CREBBP: variants seen among roughly 807,000 people sequenced by gnomAD.
The protein encoded by CREBBP is CREB binding lysine acetyltransferase, also known as CREB-binding protein.
CREBBP carries 19 observed loss-of-function variants against 265.0 expected under a neutral mutation model. That is an observed-to-expected ratio of 0.07 (90% CI 0.05 to 0.11). CREBBP has a LOEUF of 0.11. Ranked by LOEUF, CREBBP falls within the 10% of genes least tolerant of loss-of-function variation. The pLI, the probability that CREBBP is intolerant of heterozygous loss-of-function variation, is 1.00. For synonymous variants in CREBBP, 1,457 were observed against 1,223.7 expected (o/e 1.19, Z -3.98); for missense variants, 2,525 against 3,219.0 (o/e 0.78, Z 5.22).
chr16:3,831,675 A>G (rs546085247), intron 2 of CREBBP, among the ~76,000 whole-genome samples: 5 of 152,210 alleles, frequency 3.3e-5, no homozygotes, highest in Non-Finnish European at 5.9e-5. Context: ...CACACCAGAC[A>G]TTATTATAAA....
intron 2 of CREBBP, among the ~76,000 whole-genome samples, chr16:3,826,951 C>T (rs2054248358): frequency 6.6e-6 from 1 of 152,094 alleles, no homozygotes; most frequent in African/African-American, 2.4e-5. Flanking sequence ...AGATAAAGAA[C>T]CCTGTTGTAC....
At chr16:3,772,928 A>G (rs2053049395) in intron 13 of CREBBP, among the ~76,000 whole-genome samples, 1 of 149,518 alleles carries the variant, frequency 6.7e-6, no homozygotes, top group South Asian at 2.1e-4. Flanking sequence ...AAAAAAAAAA[A>G]AAAAAAAAAA....
intron 3 of CREBBP, among the ~76,000 whole-genome samples, chr16:3,803,260 CGGGGAGGGG>C (rs1344666246): frequency 0.02 from 169 of 8,454 alleles, 51 homozygotes; most frequent in Admixed American, 0.05. Flanking sequence ...AGGCTGACGG[CGGGGAGGGG>C]GGGGGGGGGG....
intron 5 of CREBBP, 50 bp from the exon 6 acceptor site, chr16:3,782,976 G>C (rs570171211): frequency 1.2e-6 from 2 of 1,612,672 alleles, no homozygotes; most frequent in East Asian, 4.5e-5. Context: ...AAGTAAAAGG[G>C]AGAAGCCCAC....
In CREBBP at chr16:3,727,792, C is replaced by T. The variant is rs368297611; in HGVS notation, c.7255G>A (p.Ala2419Thr). 2.5e-6 allele frequency: 4 copies of T among 1,614,078 alleles called. No individual in the cohort carries two copies. The African/African-American group carries it at 4.0e-5, about 16-fold the overall frequency. The change falls in exon 31 of 31, where the codon GCG becomes ACG. Residue 2419 changes from alanine to threonine, a missense_variant. Transcript: ENST00000262367. The stretch of plus-strand genomic sequence containing the variant: ...ACCAGGGACAGTTCGCTGGACAGCG[C>T]ACTCCTGCTGGGGGTGTTCAGCTGG... ...LPQLNTPSRS[A>T]LSSELSLVGD...
chr16:3,731,653 T>G lies in CREBBP; in HGVS notation c.4890+123A>C. 7 of 1,478,132 alleles carry G rather than the reference T, an allele frequency of 4.7e-6. No individual in the cohort carries two copies. The highest frequency in any genetic ancestry group is 5.6e-6 in the Non-Finnish European group (6 of 1,062,270). 91.6% of individuals were successfully genotyped at this position (1,478,132 alleles called of 1,614,324 possible). On this transcript the variant is annotated intron_variant, in intron 29 of 30. Transcript: ENST00000262367. This position sits in a 1 kb window ranked among gnomAD's most constrained non-coding sequence, Gnocchi z 7.7. ...GCATGATGTCACCCAACTGGTCCACTTGGTTTCCTGGGGGCCACTTCCCTC... is the reference window on the plus strand; with the variant it reads ...GCATGATGTCACCCAACTGGTCCACGTGGTTTCCTGGGGGCCACTTCCCTC...
In CREBBP at chr16:3,728,497, T is replaced by A. The variant is rs398124149; in HGVS notation, c.6550A>T (p.Ser2184Cys). The A allele has an allele frequency of 6.2e-7, 1 of 1,614,018 alleles. No individual in the cohort carries two copies. The highest frequency in any genetic ancestry group is 1.1e-5 in the South Asian group (1 of 91,084). The change falls in exon 31 of 31, where the codon AGT becomes TGT. Residue 2184 changes from serine to cysteine, a missense_variant. By Grantham distance (112) the Ser-to-Cys change is moderately radical (BLOSUM62 -1). Around this residue, in one of 19 missense-constraint regions of CREBBP, gnomAD observed 473 missense variants for 459.3 expected, o/e 1.03. Coordinates refer to ENST00000262367, the MANE Select transcript of CREBBP (RefSeq NM_004380.3). This position sits in a 1 kb window ranked among gnomAD's most constrained non-coding sequence, Gnocchi z 8.7. ...MNPGHNPNMA[S>C]MNPQYREMLR... ...ATTTCTCGGTACTGTGGATTCATAC[T>A]CGCCATGTTGGGGTTGTGTCCTGGG...
chr16:3,865,623 T>G (rs925628662), intron 1 of CREBBP, among the ~76,000 whole-genome samples: 1 of 152,108 alleles, frequency 6.6e-6, no homozygotes, highest in Non-Finnish European at 1.5e-5. Flanking sequence ...ACTACTAGTT[T>G]AAGTAATTAA....
intron 20 of CREBBP, among the ~76,000 whole-genome samples, chr16:3,750,725 A>G (rs1300583367): frequency 6.6e-6 from 1 of 152,236 alleles, no homozygotes; most frequent in Non-Finnish European, 1.5e-5. Flanking sequence ...CAACAGGTAA[A>G]GCACTAGTGA....
intron 5 of CREBBP, among the ~76,000 whole-genome samples, chr16:3,786,551 G>A (rs2053391880): frequency 6.6e-6 from 1 of 152,204 alleles, no homozygotes; most frequent in African/African-American, 2.4e-5. Flanking sequence ...GGTAGGGGGA[G>A]ACAGACCATG....
At chr16:3,862,235 G>A (rs111881761) in intron 1 of CREBBP, among the ~76,000 whole-genome samples, 1 of 152,204 alleles carries the variant, frequency 6.6e-6, no homozygotes, top group East Asian at 1.9e-4. Flanking sequence ...CAGAAGTTTA[G>A]AGGAAAAGGA....
chr16:3,754,567 G>GT (rs2151377953), intron 19 of CREBBP, among the ~76,000 whole-genome samples: 1 of 152,256 alleles, frequency 6.6e-6, no homozygotes, highest in African/African-American at 2.4e-5. Flanking sequence ...TAGTTTATCT[G>GT]TAAGGGTAAT....
At chr16:3,778,852 T>A (rs532030294) in intron 8 of CREBBP, 35 bp from the exon 9 acceptor site, 17 of 1,585,552 alleles carry the variant, frequency 1.1e-5, no homozygotes, top group East Asian at 9.0e-5. Context: ...ACTACTTTTT[T>A]TTTTCTTCTT....
rs748747684 is a variant in CREBBP, at chr16:3,774,627, C to T, written c.2225G>A (p.Arg742His). 5.0e-6 allele frequency: 8 copies of T among 1,614,122 alleles called. No homozygotes were observed. Among genetic ancestry groups the T allele is most frequent in the South Asian group, 1.1e-5 (1 of 91,072 alleles). ...VQLPQAPMGP[R>H]AASPMNHSVQ... The stretch of plus-strand genomic sequence containing the variant: ...AGAGTGGTTCATTGGGGAGGCTGCA[C>T]GAGGTCCCATGGGTGCTTGTGGCAA... Residue 742 changes from arginine (R) to histidine (H), a missense_variant, in exon 12 of 31, where the codon CGT becomes CAT. Transcript: ENST00000262367.
intron 2 of CREBBP, among the ~76,000 whole-genome samples, chr16:3,849,255 T>A (rs1424034738): frequency 6.6e-6 from 1 of 152,060 alleles, no homozygotes; most frequent in Non-Finnish European, 1.5e-5. Flanking sequence ...TTTCCAGCTG[T>A]CTCACATCTA....
intron 2 of CREBBP, among the ~76,000 whole-genome samples, chr16:3,837,514 G>A (rs1343199284): frequency 2.0e-5 from 3 of 151,968 alleles, no homozygotes; most frequent in Non-Finnish European, 4.4e-5. Context: ...TACTCGGGAG[G>A]CTGAGGCAGG....
In CREBBP at chr16:3,731,517, A is replaced by G. The variant is rs2151317932; in HGVS notation, c.4891-44T>C. On this transcript the variant is annotated intron_variant, in intron 29 of 30. Coordinates refer to ENST00000262367, the MANE Select transcript of CREBBP (RefSeq NM_004380.3). This position sits in a 1 kb window ranked among gnomAD's most constrained non-coding sequence, Gnocchi z 7.7. ...TTTAGTCCCACACAAGGGACATGGCACCTCCAGTGGTGAGCTCAGGGCAGG... is the reference window on the plus strand; with the variant it reads ...TTTAGTCCCACACAAGGGACATGGCGCCTCCAGTGGTGAGCTCAGGGCAGG... The G allele has an allele frequency of 6.4e-7, 1 of 1,554,902 alleles. No homozygotes were observed. The highest frequency in any genetic ancestry group is 8.7e-7 in the Non-Finnish European group (1 of 1,153,200).
At chr16:3,871,590 G>A (rs1183365017) in intron 1 of CREBBP, among the ~76,000 whole-genome samples, 1 of 152,112 alleles carries the variant, frequency 6.6e-6, no homozygotes, top group Non-Finnish European at 1.5e-5. Flanking sequence ...TTTAAATGTT[G>A]TACAAGCCTT....
intron 2 of CREBBP, among the ~76,000 whole-genome samples, chr16:3,843,475 T>C (rs1183826859): frequency 1.3e-5 from 2 of 151,370 alleles, no homozygotes; most frequent in African/African-American, 4.9e-5. Flanking sequence ...TGCTTGATTG[T>C]AGTGGTGTGA....
Sources: allele counts gnomAD v4.1 joint callset (sites outside exome capture counted in the v4.1 genomes callset), GRCh38; gene constraint gnomAD v4.1.1; regional missense constraint gnomAD v4.1.1; non-coding constraint Gnocchi (gnomAD v3.1); transcripts MANE v1.5; gene names NCBI Gene and HGNC (gene_info 2026-07-23, HGNC 2026-07-21).